The following SMARCB1 variants were observed in gnomAD, a reference collection of about 807,000 sequenced individuals.
The protein encoded by SMARCB1 is SWI/SNF-related matrix-associated actin-dependent regulator of chromatin subfamily B member 1.
Under a neutral mutation model 49.0 loss-of-function variants are expected in SMARCB1, and 5 were observed. That is an observed-to-expected ratio of 0.10 (90% CI 0.05 to 0.21). SMARCB1 has a LOEUF of 0.21. SMARCB1 is among the 10% of genes least tolerant of loss of function. The probability of loss-of-function intolerance (pLI) is 1.00; values close to 1 mark genes in which losing one functional copy is unlikely to be tolerated. For synonymous variants in SMARCB1, 201 were observed against 200.1 expected (o/e 1.00, Z -0.04); for missense variants, 226 against 509.2 (o/e 0.44, Z 5.35).
At chr22:23,831,671 G>A (rs1321663501) in intron 7 of SMARCB1, among the ~76,000 whole-genome samples, 1 of 152,200 alleles carries the variant, frequency 6.6e-6, no homozygotes, top group Non-Finnish European at 1.5e-5. Flanking sequence ...GTAAACAAAG[G>A]ACCCTCTGGG....
intron 7 of SMARCB1, among the ~76,000 whole-genome samples, chr22:23,831,649 C>A (rs1227368826): frequency 1.3e-5 from 2 of 152,228 alleles, no homozygotes; most frequent in African/African-American, 4.8e-5. Flanking sequence ...ATATTCCCAG[C>A]ATCAAGGGGA....
At chr22:23,825,625 C>T in intron 7 of SMARCB1, 1 of 584,052 alleles carries the variant, frequency 1.7e-6, no homozygotes, top group Non-Finnish European at 3.1e-6. Flanking sequence ...GCACCTAACA[C>T]AATAGCTGGC....
intron 2 of SMARCB1, chr22:23,792,297 T>C (rs1928433555): frequency 2.8e-6 from 1 of 351,886 alleles, no homozygotes; most frequent in Non-Finnish European, 5.6e-6. Flanking sequence ...TTTCACTGCT[T>C]GCTTCCTGGA....
intron 6 of SMARCB1, among the ~76,000 whole-genome samples, chr22:23,820,765 G>T (rs927238845): frequency 6.6e-6 from 1 of 152,192 alleles, no homozygotes; most frequent in South Asian, 2.1e-4. Flanking sequence ...GGAGAGAAGT[G>T]GGGTGGGGAT....
rs1325708987 is a variant in SMARCB1, at chr22:23,834,487, AAGGCAAC to A, written c.*311_*317del. On this transcript the variant is annotated 3_prime_UTR_variant, in exon 9 of 9. Coordinates refer to ENST00000644036, the MANE Select transcript of SMARCB1 (RefSeq NM_003073.5). The stretch of plus-strand genomic sequence containing the variant: ...AGGGCTAGTAACAGTTTTTAAATAA[AAGGCAAC>A]AGGTCATGTTCAATTTCTTCAACAG... 2.2e-5 allele frequency: 15 copies of A among 667,544 alleles called. No individual in the cohort carries two copies. The highest frequency in any genetic ancestry group is 2.4e-4 in the Middle Eastern group (1 of 4,140). 41.4% of individuals were successfully genotyped at this position (667,544 alleles called of 1,614,324 possible). A position where few individuals can be genotyped will look rare whatever the true frequency, so the allele number is the denominator to read the frequency against.
At chr22:23,811,880 T>G (rs1305353597) in intron 5 of SMARCB1, among the ~76,000 whole-genome samples, 1 of 151,918 alleles carries the variant, frequency 6.6e-6, no homozygotes, top group Admixed American at 6.6e-5. Context: ...ATAGAGAAAA[T>G]TAATGAAAAC....
intron 1 of SMARCB1, among the ~76,000 whole-genome samples, chr22:23,787,752 G>C (rs932583487): frequency 2.0e-4 from 31 of 152,198 alleles, no homozygotes; most frequent in Non-Finnish European, 2.4e-4. Flanking sequence ...TAGGTGAGCA[G>C]TGGAGGTCTT....
At position 23,837,305 on chromosome 22, in the gene SMARCB1, G is replaced by T; in HGVS notation, c.*3125G>T. ...AGCCTTGCACAGAGTGCCAGCCCCG[G>T]GTTGGCCGTGAAGGACAAGCTTAAA... is the stretch of plus-strand genomic sequence containing the variant. On this transcript the variant is annotated 3_prime_UTR_variant, in exon 9 of 9. Coordinates refer to ENST00000644036, the MANE Select transcript of SMARCB1 (RefSeq NM_003073.5). The T allele has an allele frequency of 9.5e-7, 1 of 1,052,878 alleles. No individual in the cohort carries two copies. Among genetic ancestry groups the T allele is most frequent in the Non-Finnish European group, 1.4e-6 (1 of 721,146 alleles). 65.2% of individuals were successfully genotyped at this position (1,052,878 alleles called of 1,614,324 possible).
At chr22:23,811,384 C>T (rs1929861205) in intron 5 of SMARCB1, among the ~76,000 whole-genome samples, 1 of 152,180 alleles carries the variant, frequency 6.6e-6, no homozygotes. Flanking sequence ...AAAACACTAT[C>T]GACCAACAGA....
intron 6 of SMARCB1, among the ~76,000 whole-genome samples, chr22:23,819,175 A>G (rs1197365037): frequency 6.6e-6 from 1 of 152,056 alleles, no homozygotes; most frequent in African/African-American, 2.4e-5. Flanking sequence ...AGGCTAAATA[A>G]TATTCTGTTG....
At chr22:23,794,018 C>T (rs1295462791) in intron 3 of SMARCB1, among the ~76,000 whole-genome samples, 1 of 152,160 alleles carries the variant, frequency 6.6e-6, no homozygotes, top group African/African-American at 2.4e-5. Flanking sequence ...GATCTCAGCT[C>T]ACTGCAACTT....
chr22:23,821,620 TG>T (rs2030091399), intron 6 of SMARCB1, among the ~76,000 whole-genome samples: 2 of 151,962 alleles, frequency 1.3e-5, no homozygotes, highest in South Asian at 4.1e-4. Context: ...AGAGCTGAGG[TG>T]GGCAGATTGC....
At chr22:23,825,701 C>CA (rs1252119677) in intron 7 of SMARCB1, 2 of 487,186 alleles carry the variant, frequency 4.1e-6, no homozygotes, top group African/African-American at 3.8e-5. Flanking sequence ...GGCCTGCCCC[C>CA]ACCATCCACC....
intron 5 of SMARCB1, chr22:23,803,636 A>G (rs892121233): frequency 1.1e-5 from 7 of 648,038 alleles, no homozygotes; most frequent in East Asian, 5.6e-5. Flanking sequence ...CTCTTTCCCC[A>G]TACTGAGGTT....
chr22:23,803,241 G>T (rs1267526664), intron 4 of SMARCB1, 54 bp from the exon 5 acceptor site: 9 of 1,612,576 alleles, frequency 5.6e-6, no homozygotes, highest in Non-Finnish European at 7.6e-6. Flanking sequence ...CTGAAAATTT[G>T]CATACCTAGG....
intron 5 of SMARCB1, among the ~76,000 whole-genome samples, chr22:23,811,082 A>G (rs993064926): frequency 2.0e-4 from 30 of 152,222 alleles, no homozygotes; most frequent in Middle Eastern, 3.4e-3. Flanking sequence ...CGTTAATCAA[A>G]GGAAAGCAGG....
intron 7 of SMARCB1, among the ~76,000 whole-genome samples, chr22:23,830,175 G>C (rs2030580282): frequency 6.6e-6 from 1 of 152,170 alleles, no homozygotes; most frequent in Non-Finnish European, 1.5e-5. Flanking sequence ...ATATACCCAG[G>C]AGTAGAATTG....
intron 7 of SMARCB1, among the ~76,000 whole-genome samples, chr22:23,832,437 G>A (rs1445696440): frequency 6.6e-6 from 1 of 152,184 alleles, no homozygotes; most frequent in Non-Finnish European, 1.5e-5. Context: ...AGAGCTCATG[G>A]TGTTTTTCAG....
chr22:23,816,115 C>T (rs34805909), intron 5 of SMARCB1: 271 of 153,722 alleles, frequency 1.8e-3, no homozygotes, highest in Middle Eastern at 3.4e-3. Context: ...TCCTGCAAGG[C>T]GTCTTGTCAG....
Sources: allele counts gnomAD v4.1 joint callset (sites outside exome capture counted in the v4.1 genomes callset), GRCh38; gene constraint gnomAD v4.1.1; transcripts MANE v1.5; gene names NCBI Gene and HGNC (gene_info 2026-07-23, HGNC 2026-07-21).